The following PIP4K2A variants were observed in gnomAD, a reference collection of about 807,000 sequenced individuals.
PIP4K2A encodes phosphatidylinositol 5-phosphate 4-kinase type-2 alpha.
In PIP4K2A, 14 loss-of-function variants were observed where a neutral mutation model predicts 42.9. The ratio of observed to expected loss-of-function variants is 0.33; its 90% CI spans 0.22 to 0.51. The LOEUF is 0.51. Ranked by LOEUF, PIP4K2A falls within the 20% of genes least tolerant of loss-of-function variation. PIP4K2A has a pLI of 0.97. For missense variants in PIP4K2A, 434 were observed against 519.8 expected, an observed-to-expected ratio of 0.83 and a Z score of 1.61; for synonymous variants, 192 against 192.2, an observed-to-expected ratio of 1.00 and a Z score of 0.01.
At position 22,591,039 on chromosome 10, in the gene PIP4K2A, TG is replaced by T. The variant is rs531452885; in HGVS notation, c.492+589del. On this transcript the variant is annotated intron_variant, in intron 4 of 9. Transcript: ENST00000376573. ...TGTGCTCTACCAGAGAAGCTTGTGC[TG>T]GAATTTACTCCAGGAGAGACAGATT... 3.3e-3 allele frequency among the ~76,000 whole-genome samples: 497 copies of T among 152,352 alleles called. 4 individuals carry two copies. The highest frequency in any genetic ancestry group is 0.011 in the African/African-American group (451 of 41,566).
intron 5 of PIP4K2A, among the ~76,000 whole-genome samples, chr10:22,569,533 A>G (rs1836930729): frequency 6.6e-6 from 1 of 152,192 alleles, no homozygotes; most frequent in Non-Finnish European, 1.5e-5. Context: ...TTCACAACGA[A>G]TGTTCCCAAA....
chr10:22,579,325 C>A (rs917210177), intron 4 of PIP4K2A, among the ~76,000 whole-genome samples: 1 of 152,084 alleles, frequency 6.6e-6, no homozygotes, highest in Admixed American at 6.6e-5. Flanking sequence ...GAATCGTAAC[C>A]CTAGTGATAT....
At chr10:22,699,398 T>A (rs570862153) in intron 1 of PIP4K2A, among the ~76,000 whole-genome samples, 1 of 151,992 alleles carries the variant, frequency 6.6e-6, no homozygotes, top group East Asian at 1.9e-4. Flanking sequence ...AAACTTCTGT[T>A]CCTGTTCCTG....
chr10:22,654,076 C>T (rs867819644), intron 1 of PIP4K2A, among the ~76,000 whole-genome samples: 8 of 151,982 alleles, frequency 5.3e-5, no homozygotes, highest in African/African-American at 1.9e-4. Context: ...AATAAATGGA[C>T]GAAAGGAAAC....
intron 6 of PIP4K2A, among the ~76,000 whole-genome samples, chr10:22,565,393 T>C (rs1836822264): frequency 6.6e-6 from 1 of 152,242 alleles, no homozygotes; most frequent in Non-Finnish European, 1.5e-5. Flanking sequence ...CCTAAATTAA[T>C]ACTTTTGTAA....
At chr10:22,714,033 G>A (rs1401293492) in intron 1 of PIP4K2A, 150 bp downstream of exon 1, 2 of 768,406 alleles carry the variant, frequency 2.6e-6, no homozygotes, top group Non-Finnish European at 4.0e-6. Flanking sequence ...CACGCGCCGC[G>A]GGGCTGGGGG....
At chr10:22,637,689 G>A (rs931925906) in intron 1 of PIP4K2A, among the ~76,000 whole-genome samples, 3 of 152,102 alleles carry the variant, frequency 2.0e-5, no homozygotes, top group East Asian at 1.9e-4. Context: ...AAAGTGCACC[G>A]GCCAAAAGGC....
At chr10:22,662,080 A>C (rs1418642336) in intron 1 of PIP4K2A, among the ~76,000 whole-genome samples, 1 of 152,208 alleles carries the variant, frequency 6.6e-6, no homozygotes, top group Non-Finnish European at 1.5e-5. Flanking sequence ...CAAGAAAACA[A>C]AAATGTACCC....
intron 1 of PIP4K2A, among the ~76,000 whole-genome samples, chr10:22,695,005 C>T (rs890327464): frequency 4.6e-5 from 7 of 152,034 alleles, no homozygotes; most frequent in South Asian, 2.1e-4. Flanking sequence ...CATTTGGATC[C>T]GTGTATCTTT....
chr10:22,623,935 A>G (rs143052135), intron 1 of PIP4K2A, among the ~76,000 whole-genome samples: 34 of 152,340 alleles, frequency 2.2e-4, no homozygotes, highest in African/African-American at 7.7e-4. Flanking sequence ...ATAGTTCACA[A>G]CAATTAAAAT....
At position 22,648,019 on chromosome 10, in the gene PIP4K2A, T is replaced by C. The variant is rs571659924; in HGVS notation, c.145-38302A>G. Among the ~76,000 whole-genome samples, 7 of 152,346 alleles carry C rather than the reference T, an allele frequency of 4.6e-5. No homozygotes were observed. In the South Asian group the frequency reaches 8.3e-4, roughly 18 times the overall value. On this transcript the variant is annotated intron_variant, in intron 1 of 9. Coordinates refer to ENST00000376573, the MANE Select transcript of PIP4K2A (RefSeq NM_005028.5). ...TATCTAAAGACCTTCCTGAATCCTTTCCTACGTCTACCCATTCTTCAAGGC... is the reference window on the plus strand; with the variant it reads ...TATCTAAAGACCTTCCTGAATCCTTCCCTACGTCTACCCATTCTTCAAGGC...
intron 1 of PIP4K2A, among the ~76,000 whole-genome samples, chr10:22,664,581 A>G (rs1481603637): frequency 6.6e-6 from 1 of 151,914 alleles, no homozygotes; most frequent in East Asian, 1.9e-4. Flanking sequence ...TTATGTGGTT[A>G]AATCTATTAG....
intron 1 of PIP4K2A, among the ~76,000 whole-genome samples, chr10:22,657,486 T>A (rs1031339119): frequency 1.3e-5 from 2 of 152,214 alleles, no homozygotes; most frequent in African/African-American, 4.8e-5. Flanking sequence ...CCTAGAGCAA[T>A]TTTGGATTTT....
chr10:22,635,704 G>A (rs375096049), intron 1 of PIP4K2A, among the ~76,000 whole-genome samples: 9 of 152,326 alleles, frequency 5.9e-5, no homozygotes, highest in South Asian at 2.1e-4. Context: ...ATGAGCCGGG[G>A]GGTTCTATGA....
rs574346155 is a variant in PIP4K2A at position 22,535,460 on chromosome 10, G to C, written c.*1741C>G. 3 of 152,354 alleles carry C rather than the reference G, an allele frequency of 2.0e-5. No individual in the cohort carries two copies. Among genetic ancestry groups the C allele is most frequent in the Admixed American group, 6.5e-5 (1 of 15,304 alleles). 9.4% of individuals were successfully genotyped at this position (152,354 alleles called of 1,614,324 possible). A position where few individuals can be genotyped will look rare whatever the true frequency, so the allele number is the denominator to read the frequency against. ...GACTGCTGGCTTCCAAAGACTCTGTGAACTAGATCCACATACACGGGGCAC... is the reference window on the plus strand; with the variant it reads ...GACTGCTGGCTTCCAAAGACTCTGTCAACTAGATCCACATACACGGGGCAC... On this transcript the variant is annotated 3_prime_UTR_variant, in exon 10 of 10. Coordinates refer to ENST00000376573, the MANE Select transcript of PIP4K2A (RefSeq NM_005028.5).
At chr10:22,545,668 A>C (rs1291764078) in intron 7 of PIP4K2A, among the ~76,000 whole-genome samples, 1 of 152,236 alleles carries the variant, frequency 6.6e-6, no homozygotes, top group Non-Finnish European at 1.5e-5. Context: ...GCACCCAAGA[A>C]GACTGAGAAA....
chr10:22,616,637 T>C (rs940493979), intron 1 of PIP4K2A, among the ~76,000 whole-genome samples: 5 of 152,098 alleles, frequency 3.3e-5, no homozygotes, highest in Non-Finnish European at 7.4e-5. Flanking sequence ...TCATAAGATA[T>C]CTGCCTGAAA....
At chr10:22,685,552 A>AAAAC (rs1444300865) in intron 1 of PIP4K2A, among the ~76,000 whole-genome samples, 3 of 152,072 alleles carry the variant, frequency 2.0e-5, no homozygotes, top group Non-Finnish European at 2.9e-5. Context: ...CAAACAAACA[A>AAAAC]AAACTTTAAA....
intron 1 of PIP4K2A, among the ~76,000 whole-genome samples, chr10:22,682,840 T>C (rs553136486): frequency 5.3e-5 from 8 of 152,264 alleles, no homozygotes; most frequent in South Asian, 2.1e-4. Flanking sequence ...CACTTGGTAA[T>C]TGCAACAGGA....
Sources: gnomAD v4.1 joint callset for allele counts (sites outside exome capture counted in the v4.1 genomes callset) on GRCh38, gnomAD v4.1.1 for gene constraint, MANE v1.5 for transcripts, NCBI Gene and HGNC (gene_info 2026-07-23, HGNC 2026-07-21) for gene names.